The following METTL2B variants were observed in gnomAD, a reference collection of about 807,000 sequenced individuals.
METTL2B encodes methyltransferase 2B, tRNA N3-cytidine, also known as tRNA N(3)-cytidine methyltransferase METTL2B.
METTL2B carries 28 observed loss-of-function variants against 51.0 expected under a neutral mutation model. The ratio of observed to expected loss-of-function variants is 0.55; its 90% CI spans 0.41 to 0.75. METTL2B has a LOEUF of 0.75. Ranked by LOEUF, METTL2B falls within the 30% of genes least tolerant of loss-of-function variation. The pLI is 0.00. For missense variants in METTL2B, 313 were observed against 460.7 expected (o/e 0.68, Z 2.93); for synonymous variants, 128 against 166.3 (o/e 0.77, Z 1.77).
At position 128,501,970 on chromosome 7, in the gene METTL2B, A is replaced by T. The variant is rs529731166; in HGVS notation, c.*54A>T. The stretch of plus-strand genomic sequence containing the variant: ...CCCGTTGTGTTTCCGAGCTTTTTTA[A>T]AAAAAAATTTGTAGCACCGGGCATG... On this transcript the variant is annotated 3_prime_UTR_variant, in exon 9 of 9. Coordinates refer to ENST00000262432, the MANE Select transcript of METTL2B (RefSeq NM_018396.3). 252 of 1,594,406 alleles carry T rather than the reference A, an allele frequency of 1.6e-4. No individual in the cohort carries two copies. The highest frequency in any genetic ancestry group is 2.1e-4 in the Admixed American group (12 of 58,382).
At chr7:128,487,124 A>G (rs889780784) in intron 4 of METTL2B, among the ~76,000 whole-genome samples, 2 of 152,248 alleles carry the variant, frequency 1.3e-5, no homozygotes, top group African/African-American at 4.8e-5. Context: ...TTAAGTAGCC[A>G]CAGGTAGCTA....
chr7:128,496,442 G>C (rs1348187994), intron 6 of METTL2B, among the ~76,000 whole-genome samples: 1 of 152,108 alleles, frequency 6.6e-6, no homozygotes, highest in Non-Finnish European at 1.5e-5. Flanking sequence ...TACTCAGAAG[G>C]CTGAGGCGGG....
At chr7:128,484,970 C>T (rs997246689) in intron 4 of METTL2B, among the ~76,000 whole-genome samples, 5 of 152,108 alleles carry the variant, frequency 3.3e-5, no homozygotes, top group African/African-American at 1.2e-4. Flanking sequence ...AAAAAGAATC[C>T]CTATACCCAT....
At chr7:128,485,996 C>T (rs1405893426) in intron 4 of METTL2B, among the ~76,000 whole-genome samples, 2 of 151,974 alleles carry the variant, frequency 1.3e-5, no homozygotes, top group East Asian at 3.9e-4. Context: ...CTGTAGAAAA[C>T]TTAAAGAAAA....
At chr7:128,489,924 G>A (rs1172810466) in intron 5 of METTL2B, among the ~76,000 whole-genome samples, 1 of 152,196 alleles carries the variant, frequency 6.6e-6, no homozygotes, top group African/African-American at 2.4e-5. Flanking sequence ...CACCGCGCCC[G>A]GCCGGCAATT....
chr7:128,496,756 T>TTTTG (rs1401498677), intron 6 of METTL2B, among the ~76,000 whole-genome samples: 2 of 100,272 alleles, frequency 2.0e-5, no homozygotes, highest in African/African-American at 3.9e-5. Context: ...CCCAGCTGCT[T>TTTTG]TTTCTTTGTT....
At chr7:128,500,241 G>A (rs550024355) in intron 7 of METTL2B, among the ~76,000 whole-genome samples, 2 of 152,250 alleles carry the variant, frequency 1.3e-5, no homozygotes, top group African/African-American at 2.4e-5. Context: ...CTGTAGACAC[G>A]TGAAGAGACA....
intron 6 of METTL2B, among the ~76,000 whole-genome samples, chr7:128,495,017 C>G (rs1477277361): frequency 6.6e-6 from 1 of 151,562 alleles, no homozygotes. Context: ...CGGGTTCAAC[C>G]AATTCTCCTG....
intron 4 of METTL2B, among the ~76,000 whole-genome samples, chr7:128,481,877 C>T (rs1461049159): frequency 6.6e-6 from 1 of 152,198 alleles, no homozygotes; most frequent in Non-Finnish European, 1.5e-5. Flanking sequence ...ACTCCTGGCT[C>T]AAGTGATCCT....
In METTL2B at chr7:128,479,142, T is replaced by C; in HGVS notation, c.203-16T>C. Reference sequence around the variant, plus strand: ...TTGAGAGCTGGTTCTTAAAATTTTTTCTTAAATATTTACAGTTGATTATGA... The same window carrying C: ...TTGAGAGCTGGTTCTTAAAATTTTTCCTTAAATATTTACAGTTGATTATGA... On this transcript the variant is annotated splice_polypyrimidine_tract_variant and intron_variant, in intron 2 of 8. Coordinates refer to ENST00000262432, the MANE Select transcript of METTL2B (RefSeq NM_018396.3). 1 of 1,570,744 alleles carries C rather than the reference T, an allele frequency of 6.4e-7. No individual in the cohort carries two copies. Among genetic ancestry groups the C allele is most frequent in the Non-Finnish European group, 8.6e-7 (1 of 1,158,284 alleles).
chr7:128,501,959 G>A lies in METTL2B; in HGVS notation c.*43G>A, dbSNP rs770634243. The A allele has an allele frequency of 3.4e-5, 54 of 1,605,204 alleles. No homozygotes were observed. Among genetic ancestry groups the A allele is most frequent in the Non-Finnish European group, 4.1e-5 (48 of 1,174,746 alleles). ...CACGATGCAAGCCCGTTGTGTTTCC[G>A]AGCTTTTTTAAAAAAAAATTTGTAG... On this transcript the variant is annotated 3_prime_UTR_variant, in exon 9 of 9. Transcript: ENST00000262432.
In METTL2B at chr7:128,476,851, C is replaced by T. The variant is rs754635858; in HGVS notation, c.86C>T (p.Ala29Val). 68 of 1,613,936 alleles carry T rather than the reference C, an allele frequency of 4.2e-5. No individual in the cohort carries two copies. Among genetic ancestry groups the T allele is most frequent in the Admixed American group, 2.2e-4 (13 of 59,972 alleles). The change falls in exon 1 of 9, where the codon GCG (alanine) becomes GTG (valine). Residue 29 changes from alanine to valine, a missense_variant. By Grantham distance (64) the Ala-to-Val change is moderately conservative. Around this residue, in one of 4 missense-constraint regions of METTL2B, gnomAD observed 66 missense variants for 58.2 expected, o/e 1.13. Transcript: ENST00000262432. ...GGAAGCCGGTTCCTGAGCGATCCGG[C>T]GCGCGTCTTCCACCACAATGCCTGG... ...QFGSRFLSDP[A>V]RVFHHNAWDN...
rs190615107 is a variant in METTL2B at position 128,489,073 on chromosome 7, C to T, written c.669+912C>T. Among the ~76,000 whole-genome samples, 353 of 152,236 alleles carry T rather than the reference C, an allele frequency of 2.3e-3. 1 individual carries two copies. The highest frequency in any genetic ancestry group is 8.1e-3 in the African/African-American group (337 of 41,532). ...GAGGTTGCAGTGAGCTGAGATCGCG[C>T]CACTGCACTCCAGCTAGACGACAGA... On this transcript the variant is annotated intron_variant, in intron 5 of 8. Transcript: ENST00000262432.
intron 4 of METTL2B, among the ~76,000 whole-genome samples, chr7:128,486,911 C>A (rs1792729007): frequency 6.6e-6 from 1 of 152,136 alleles, no homozygotes; most frequent in Admixed American, 6.5e-5. Context: ...AGAACTTAGC[C>A]CGTGACCTTA....
chr7:128,500,931 G>C lies in METTL2B; in HGVS notation c.945G>C (p.Val315=), dbSNP rs749805673. ...KGQCLSGNFY[V]RGDGTRVYFF... ...AGTGTCTATCTGGAAATTTCTATGT[G>C]AGAGGTGATGGAACCAGAGTTTACT... The change falls in exon 8 of 9, where the codon GTG becomes GTC. Residue 315 remains valine, a synonymous_variant. Transcript: ENST00000262432. The C allele has an allele frequency of 2.2e-5, 35 of 1,614,028 alleles. No individual in the cohort carries two copies. The highest frequency in any genetic ancestry group is 2.9e-5 in the Non-Finnish European group (34 of 1,180,002).
In METTL2B at chr7:128,502,705, C is replaced by T. The variant is rs922484690; in HGVS notation, c.*789C>T. The stretch of plus-strand genomic sequence containing the variant: ...CCTGAGGTCAGGAGTTCGAGACCAG[C>T]GTGGCCAACATGGTGAAACCCCGTC... On this transcript the variant is annotated 3_prime_UTR_variant, in exon 9 of 9. Transcript: ENST00000262432. The T allele has an allele frequency of 3.2e-5, 13 of 406,948 alleles. No individual in the cohort carries two copies. The highest frequency in any genetic ancestry group is 2.2e-4 in the Admixed American group (7 of 31,444). 25.2% of individuals were successfully genotyped at this position (406,948 alleles called of 1,614,324 possible).
chr7:128,492,861 G>A lies in METTL2B; in HGVS notation c.670-943G>A, dbSNP rs555679169. ...TCCATCTCCTGACCTCATGATCTGC[G>A]CGCCTCGGCCTCCCAAAGTGCTAGG... On this transcript the variant is annotated intron_variant, in intron 5 of 8. Coordinates refer to ENST00000262432, the MANE Select transcript of METTL2B (RefSeq NM_018396.3). 9.7e-4 allele frequency among the ~76,000 whole-genome samples: 145 copies of A among 149,442 alleles called. 1 individual carries two copies. The highest frequency in any genetic ancestry group is 3.1e-3 in the African/African-American group (125 of 40,636).
chr7:128,498,467 A>C (rs1383341218), intron 7 of METTL2B, among the ~76,000 whole-genome samples: 1 of 151,820 alleles, frequency 6.6e-6, no homozygotes, highest in Non-Finnish European at 1.5e-5. Context: ...TGTTCTGCAC[A>C]TGTACCCCAG....
intron 4 of METTL2B, chr7:128,484,231 T>TTTTTTTGTTTTTTTTTTTTGTTTGTTTG (rs1792652160): frequency 1.3e-4 from 14 of 108,870 alleles, no homozygotes; most frequent in African/African-American, 2.8e-4. Context: ...TTTTTTTTTT[T>TTTTTTTGTTTTTTTTTTTTGTTTGTTTG]TTTTTTTTTT....
Sources: allele counts gnomAD v4.1 joint callset (sites outside exome capture counted in the v4.1 genomes callset), GRCh38; gene constraint gnomAD v4.1.1; regional missense constraint gnomAD v4.1.1; transcripts MANE v1.5; gene names NCBI Gene and HGNC (gene_info 2026-07-23, HGNC 2026-07-21).